Variants in GABRB2 observed in about 807,000 individuals in gnomAD.
The protein encoded by GABRB2 is gamma-aminobutyric acid receptor subunit beta-2.
In GABRB2, 16 loss-of-function variants were observed where a neutral mutation model predicts 54.7. The observed-to-expected ratio is 0.29, with a 90% CI of 0.20 to 0.44. The LOEUF is 0.44. Among genes scored for constraint, GABRB2 ranks in the 20% least tolerant of loss-of-function variants. The probability of loss-of-function intolerance (pLI) is 1.00; values close to 1 mark genes in which losing one functional copy is unlikely to be tolerated. For synonymous variants in GABRB2, 244 were observed against 233.8 expected (o/e 1.04, Z -0.40); for missense variants, 355 against 644.0 (o/e 0.55, Z 4.86).
At chr5:161,535,971 G>A (rs191837378) in intron 3 of GABRB2, among the ~76,000 whole-genome samples, 2 of 152,172 alleles carry the variant, frequency 1.3e-5, no homozygotes, top group African/African-American at 4.8e-5. Flanking sequence ...GCTTCCTCTT[G>A]TACCAGGTGA....
At chr5:161,393,158 A>T (rs71605492) in intron 5 of GABRB2, among the ~76,000 whole-genome samples, 3,357 of 151,960 alleles carry the variant, frequency 0.022, 58 homozygotes, top group Non-Finnish European at 0.034. Context: ...AAATCACAGG[A>T]TACCTGATTT....
rs527821638 is a variant in GABRB2, at chr5:161,455,617, C to T, written c.458+4007G>A. Among the ~76,000 whole-genome samples the T allele has an allele frequency of 2.6e-3, 392 of 151,686 alleles. 1 individual carries two copies. Among genetic ancestry groups the T allele is most frequent in the African/African-American group, 9.2e-3 (379 of 41,304 alleles). ...ATGAATTCGCTCATTGCAACATCCGCCTCCTGGGCTCAAGCCATCCTCCCA... is the reference window on the plus strand; with the variant it reads ...ATGAATTCGCTCATTGCAACATCCGTCTCCTGGGCTCAAGCCATCCTCCCA... On this transcript the variant is annotated intron_variant, in intron 4 of 9. Coordinates refer to ENST00000393959, the MANE Select transcript of GABRB2 (RefSeq NM_001371727.1).
At chr5:161,435,818 T>C (rs1318301663) in intron 4 of GABRB2, among the ~76,000 whole-genome samples, 1 of 152,200 alleles carries the variant, frequency 6.6e-6, no homozygotes, top group Non-Finnish European at 1.5e-5. Flanking sequence ...AGTAATATCC[T>C]AAGTTGAATA....
chr5:161,497,664 CAAT>C (rs1759299605), intron 3 of GABRB2, among the ~76,000 whole-genome samples: 1 of 152,042 alleles, frequency 6.6e-6, no homozygotes, highest in African/African-American at 2.4e-5. Context: ...ACAATCAAGA[CAAT>C]AATACCAACA....
rs184363131 is a variant in GABRB2 at position 161,492,449 on chromosome 5, T to C, written c.238-32605A>G. Reference sequence around the variant, plus strand: ...TCTTCTTGCTAATCATCCCATTTCCTTGAAACCCAAGGAAGACTGTTAAAC... The same window carrying C: ...TCTTCTTGCTAATCATCCCATTTCCCTGAAACCCAAGGAAGACTGTTAAAC... On this transcript the variant is annotated intron_variant, in intron 3 of 9. Transcript: ENST00000393959. Among the ~76,000 whole-genome samples the C allele has an allele frequency of 4.1e-4, 63 of 151,822 alleles. 1 individual carries two copies. Among genetic ancestry groups the C allele is most frequent in the Admixed American group, 2.1e-3 (32 of 15,184 alleles).
At chr5:161,391,430 A>G (rs1210533270) in intron 5 of GABRB2, among the ~76,000 whole-genome samples, 1 of 152,166 alleles carries the variant, frequency 6.6e-6, no homozygotes, top group African/African-American at 2.4e-5. Flanking sequence ...TTTGCAAAGC[A>G]ACTTTAGCTT....
chr5:161,512,905 C>G (rs1008793738), intron 3 of GABRB2, among the ~76,000 whole-genome samples: 2 of 151,828 alleles, frequency 1.3e-5, no homozygotes, highest in African/African-American at 4.8e-5. Flanking sequence ...TATGTTCAGA[C>G]ACTTCTCAAA....
intron 3 of GABRB2, among the ~76,000 whole-genome samples, chr5:161,515,233 T>C (rs569568381): frequency 2.3e-4 from 35 of 152,266 alleles, no homozygotes; most frequent in African/African-American, 7.9e-4. Flanking sequence ...TCTGAAGCTG[T>C]ATTTAACATT....
intron 5 of GABRB2, among the ~76,000 whole-genome samples, chr5:161,356,912 ATATT>A (rs1754648003): frequency 6.6e-6 from 1 of 152,182 alleles, no homozygotes; most frequent in Admixed American, 6.5e-5. Flanking sequence ...TATTCAATAC[ATATT>A]TATTTAGTGC....
chr5:161,464,016 A>C (rs1758206019), intron 3 of GABRB2, among the ~76,000 whole-genome samples: 1 of 152,008 alleles, frequency 6.6e-6, no homozygotes, highest in Non-Finnish European at 1.5e-5. Context: ...AAACAGAAGA[A>C]ATTCTCTGAC....
chr5:161,301,189 A>G (rs1239765059), intron 9 of GABRB2, among the ~76,000 whole-genome samples: 1 of 151,784 alleles, frequency 6.6e-6, no homozygotes, highest in Non-Finnish European at 1.5e-5. Flanking sequence ...CATTCTCAAA[A>G]CTCTCCTCAA....
intron 9 of GABRB2, among the ~76,000 whole-genome samples, chr5:161,302,794 C>T (rs565873439): frequency 3.9e-4 from 60 of 152,300 alleles, no homozygotes; most frequent in African/African-American, 1.4e-3. Flanking sequence ...CTACCATGCA[C>T]TTAGTGTTTT....
rs568950627 is a variant in GABRB2, at chr5:161,482,397, T to C, written c.238-22553A>G. On this transcript the variant is annotated intron_variant, in intron 3 of 9. Coordinates refer to ENST00000393959, the MANE Select transcript of GABRB2 (RefSeq NM_001371727.1). ...TGGCAAAGTGGTTACCTGTGACGAT[T>C]TTCAAAGTCCAACATCATTTCTTCT... Among the ~76,000 whole-genome samples the C allele has an allele frequency of 3.3e-5, 5 of 152,216 alleles. No individual in the cohort carries two copies. In the East Asian group the frequency reaches 7.8e-4, roughly 24 times the overall value.
chr5:161,409,676 G>A (rs943582857), intron 5 of GABRB2, among the ~76,000 whole-genome samples: 2 of 152,036 alleles, frequency 1.3e-5, no homozygotes, highest in African/African-American at 4.8e-5. Flanking sequence ...ACATAGCAAC[G>A]TGCTTATTTC....
intron 9 of GABRB2, among the ~76,000 whole-genome samples, chr5:161,310,985 C>T (rs948499617): frequency 3.9e-5 from 6 of 152,132 alleles, no homozygotes; most frequent in African/African-American, 1.4e-4. Context: ...TGGTCTCGAT[C>T]TCCTCACCTC....
intron 3 of GABRB2, among the ~76,000 whole-genome samples, chr5:161,503,479 C>A (rs539420399): frequency 1.3e-5 from 2 of 152,036 alleles, no homozygotes; most frequent in Non-Finnish European, 2.9e-5. Context: ...GAGGCTGAGG[C>A]GGGCAGATCA....
intron 5 of GABRB2, among the ~76,000 whole-genome samples, chr5:161,343,298 T>C (rs958179961): frequency 7.2e-5 from 11 of 151,998 alleles, no homozygotes; most frequent in Non-Finnish European, 1.2e-4. Flanking sequence ...CTTGATTATC[T>C]AGTGGCATCT....
intron 7 of GABRB2, among the ~76,000 whole-genome samples, chr5:161,331,490 T>C (rs985527641): frequency 1.3e-5 from 2 of 152,084 alleles, no homozygotes; most frequent in South Asian, 4.1e-4. Context: ...GGTTAGGAAA[T>C]AGAGACTTTT....
Position 161,403,594 on chromosome 5 carries a change from A to C in GABRB2, c.541+7381T>G, listed in dbSNP as rs576351300. Among the ~76,000 whole-genome samples the C allele has an allele frequency of 1.9e-3, 284 of 152,292 alleles. 1 individual carries two copies. Among genetic ancestry groups the C allele is most frequent in the African/African-American group, 6.7e-3 (277 of 41,576 alleles). On this transcript the variant is annotated intron_variant, in intron 5 of 9. Transcript: ENST00000393959. ...AGGAAAGACCAAGATAAGCCAGCAC[A>C]CATCGTCACAAAAAGAAAGAGAAAC...
Sources: allele counts gnomAD v4.1 joint callset (sites outside exome capture counted in the v4.1 genomes callset), GRCh38; gene constraint gnomAD v4.1.1; transcripts MANE v1.5; gene names NCBI Gene and HGNC (gene_info 2026-07-23, HGNC 2026-07-21).